Variants in MICAL1 observed in about 807,000 individuals in gnomAD.
The protein encoded by MICAL1 is [F-actin]-monooxygenase MICAL1.
MICAL1 carries 95 observed loss-of-function variants against 131.8 expected under a neutral mutation model. The ratio of observed to expected loss-of-function variants is 0.72; its 90% confidence interval spans 0.61 to 0.86. The LOEUF (loss-of-function observed/expected upper bound fraction) is 0.86, where lower values mean the gene tolerates loss of function less well. Among genes scored for constraint, MICAL1 ranks in the 40% least tolerant of loss-of-function variants. MICAL1 has a pLI of 0.00. For synonymous variants in MICAL1, 546 were observed against 554.2 expected (o/e 0.99, Z 0.21); for missense variants, 1,292 against 1,380.6 (o/e 0.94, Z 1.02).
At chr6:109,446,840 T>G in intron 17 of MICAL1, 68 bp from the exon 18 acceptor site, 1 of 1,460,338 alleles carries the variant, frequency 6.8e-7, no homozygotes, top group Non-Finnish European at 9.5e-7. Context: ...CGCAACAGTT[T>G]ATGAAGGAAG....
At position 109,445,692 on chromosome 6, in the gene MICAL1, G is replaced by T; in HGVS notation, c.2673+79C>A. On this transcript the variant is annotated intron_variant, in intron 20 of 24. Transcript: ENST00000358807. ...GGCCAAGTGAGAAGACATTCCAAGA[G>T]AAGGGTGCAGTGGACCAGTGCAGGT... is the stretch of plus-strand genomic sequence containing the variant. 1.9e-6 allele frequency: 3 copies of T among 1,539,064 alleles called. No homozygotes were observed. The South Asian group carries it at 3.5e-5, about 18-fold the overall frequency.
At position 109,453,858 on chromosome 6, in the gene MICAL1, A is replaced by G. The variant is rs1458219061; in HGVS notation, c.259-13T>C. 5 of 1,611,968 alleles carry G rather than the reference A, an allele frequency of 3.1e-6. No individual in the cohort carries two copies. The highest frequency in any genetic ancestry group is 4.2e-6 in the Non-Finnish European group (5 of 1,179,114). The stretch of plus-strand genomic sequence containing the variant: ...CCACCACCAGGCACTGTGAACACAC[A>G]GGGCAGTGAGGGCATGGCATCCTGT... On this transcript the variant is annotated splice_polypyrimidine_tract_variant and intron_variant, in intron 2 of 24. Coordinates refer to ENST00000358807, the MANE Select transcript of MICAL1 (RefSeq NM_022765.4).
chr6:109,447,637 TA>T (rs763788309), intron 15 of MICAL1, 43 bp downstream of exon 15: 2 of 1,612,112 alleles, frequency 1.2e-6, no homozygotes, highest in South Asian at 2.2e-5. Context: ...GGAAAGGGGA[TA>T]AAATGTGGGG....
In MICAL1 at chr6:109,447,238, A is replaced by G. The variant is rs1562288013; in HGVS notation, c.2071-9T>C. ...AGGTCCCCAGCACCGGCCTGCGTGG[A>G]CCCCCAGGACACAGGGTCAGGTGGA... On this transcript the variant is annotated splice_polypyrimidine_tract_variant and intron_variant, in intron 16 of 24. Coordinates refer to ENST00000358807, the MANE Select transcript of MICAL1 (RefSeq NM_022765.4). 1 of 1,613,644 alleles carries G rather than the reference A, an allele frequency of 6.2e-7. No homozygotes were observed. Among genetic ancestry groups the G allele is most frequent in the Non-Finnish European group, 8.5e-7 (1 of 1,179,842 alleles).
rs772715890 is a variant in MICAL1 at position 109,450,338 on chromosome 6, G to A, written c.1153C>T (p.Arg385Cys). 9.3e-6 allele frequency: 15 copies of A among 1,610,064 alleles called. No homozygotes were observed. In the South Asian group the frequency reaches 1.2e-4, roughly 13 times the overall value. Reference sequence around the variant, plus strand: ...TCCCCCACCAGTCCCAGCAGCAGGCGGGCGCCATGCTTCTCTTGCACACGA... The same window carrying A: ...TCCCCCACCAGTCCCAGCAGCAGGCAGGCGCCATGCTTCTCTTGCACACGA... The part of the protein sequence containing the change: ...SARVQEKHGA[R>C]LLLGLVGDCL... The change falls in exon 8 of 25, where the codon CGC becomes TGC. Residue 385 changes from arginine to cysteine, a missense_variant. Arg to Cys is a radical substitution (Grantham distance 180, BLOSUM62 -3). Transcript: ENST00000358807.
chr6:109,451,356 G>C (rs553038418), intron 7 of MICAL1, among the ~76,000 whole-genome samples: 29 of 152,234 alleles, frequency 1.9e-4, no homozygotes, highest in Non-Finnish European at 2.6e-4. Flanking sequence ...GTTTCACCAT[G>C]TTGGCCAGGC....
In MICAL1 at chr6:109,455,589, G is replaced by A. The variant is rs957013658; in HGVS notation, c.-44+130C>T. 4.4e-5 allele frequency: 26 copies of A among 594,912 alleles called. No homozygotes were observed. The highest frequency in any genetic ancestry group is 5.3e-5 in the Non-Finnish European group (25 of 472,354). The allele number at this position is 594,912 out of a possible 1,614,324, so 36.9% of individuals were successfully genotyped here. On this transcript the variant is annotated intron_variant, in intron 1 of 24. Coordinates refer to ENST00000358807, the MANE Select transcript of MICAL1 (RefSeq NM_022765.4). This position sits in a 1 kb window ranked among gnomAD's most constrained non-coding sequence, Gnocchi z 4.7. ...CCGGACGCGGCGTGAGCAGGGCTGG[G>A]CTGAGGGAAGACCTGCCTGACCTGC...
rs747238060 is a variant in MICAL1, at chr6:109,446,252, G to C, written c.2465C>G (p.Thr822Ser). 1 of 1,611,520 alleles carries C rather than the reference G, an allele frequency of 6.2e-7. No individual in the cohort carries two copies. The highest frequency in any genetic ancestry group is 1.1e-5 in the South Asian group (1 of 90,834). Residue 822 changes from threonine (T) to serine (S), a missense_variant, in exon 19 of 25, where the codon ACC becomes AGC. Coordinates refer to ENST00000358807, the MANE Select transcript of MICAL1 (RefSeq NM_022765.4). ...TGGAGGCTCCATTTCCGGGTCAGGG[G>C]TAAGGTTAAGGGAGGACAACCGCTG... ...ERQRLSSLNL[T>S]PDPEMEPPPK...
At position 109,450,452 on chromosome 6, in the gene MICAL1, C is replaced by T. The variant is rs765230338; in HGVS notation, c.1039G>A (p.Gly347Arg). 13 of 1,613,400 alleles carry T rather than the reference C, an allele frequency of 8.1e-6. No individual in the cohort carries two copies. Among genetic ancestry groups the T allele is most frequent in the Admixed American group, 1.7e-5 (1 of 60,002 alleles). Residue 347 changes from glycine to arginine, a missense_variant, in exon 8 of 25, where the codon GGG becomes AGG. Physicochemically the swap from Gly to Arg is moderately radical, Grantham distance 125. Coordinates refer to ENST00000358807, the MANE Select transcript of MICAL1 (RefSeq NM_022765.4). ...GCATCCTGGGCAAACTCTAGTTTCC[C>T]GAGCTTGCCATGGGTGGCAAAGTCA... ...AADFATHGKL[G>R]KLEFAQDAHG...
intron 15 of MICAL1, 92 bp from the exon 16 acceptor site, chr6:109,447,532 G>A (rs954820747): frequency 6.6e-7 from 1 of 1,523,288 alleles, no homozygotes; most frequent in Admixed American, 1.7e-5. Context: ...CTGAAGGGAA[G>A]GGGAGTGAGA....
At chr6:109,453,226 G>A in intron 4 of MICAL1, 37 bp downstream of exon 4, 1 of 1,514,450 alleles carries the variant, frequency 6.6e-7, no homozygotes, top group Non-Finnish European at 9.2e-7. Flanking sequence ...TTCTTGATGG[G>A]GGAGGGGGAG....
chr6:109,452,480 G>T, intron 5 of MICAL1, 31 bp downstream of exon 5: 1 of 1,611,968 alleles, frequency 6.2e-7, no homozygotes. Context: ...TGCCAGAGAT[G>T]CTGGCTTCTT....
intron 13 of MICAL1, 46 bp from the exon 14 acceptor site, chr6:109,448,009 C>G: frequency 3.2e-6 from 5 of 1,545,730 alleles, no homozygotes; most frequent in Non-Finnish European, 4.4e-6. Flanking sequence ...GGTGCCAATA[C>G]TGTACTCTCA....
intron 12 of MICAL1, 35 bp from the exon 13 acceptor site, chr6:109,448,428 C>T (rs1307597070): frequency 3.1e-6 from 5 of 1,608,142 alleles, no homozygotes; most frequent in Non-Finnish European, 4.2e-6. Context: ...CAACTAGAGA[C>T]AAGAACCTAG....
In MICAL1 at chr6:109,444,816, T is replaced by C; in HGVS notation, c.2982-18A>G. ...CCTGCACCCTGTGGAGGTCAGGGAT[T>C]GTAGAAGCAGAGCTGTCTAAGGTGC... On this transcript the variant is annotated intron_variant, in intron 23 of 24. Coordinates refer to ENST00000358807, the MANE Select transcript of MICAL1 (RefSeq NM_022765.4). 6.2e-7 allele frequency: 1 copy of C among 1,614,158 alleles called. No individual in the cohort carries two copies. Among genetic ancestry groups the C allele is most frequent in the East Asian group, 2.2e-5 (1 of 44,868 alleles).
Position 109,450,863 on chromosome 6 carries a change from G to A in MICAL1, c.934-306C>T, listed in dbSNP as rs1461348789. ...TTTGTCCATCACTTAGAGACAACAT[G>A]CCTAATTTATCAGGGTACTCATGAG... is the stretch of plus-strand genomic sequence containing the variant. On this transcript the variant is annotated intron_variant, in intron 7 of 24. Transcript: ENST00000358807. 2.0e-5 allele frequency among the ~76,000 whole-genome samples: 3 copies of A among 152,256 alleles called. No individual in the cohort carries two copies. The East Asian group carries it at 5.8e-4, about 29-fold the overall frequency.
intron 11 of MICAL1, 110 bp from the exon 12 acceptor site, chr6:109,448,989 C>T (rs919814154): frequency 1.4e-6 from 2 of 1,434,468 alleles, no homozygotes; most frequent in East Asian, 2.4e-5. Flanking sequence ...AGTCAGGGAC[C>T]CACCTCTACT....
At chr6:109,445,722 C>A in intron 20 of MICAL1, 49 bp downstream of exon 20, 1 of 1,582,164 alleles carries the variant, frequency 6.3e-7, no homozygotes, top group Non-Finnish European at 8.6e-7. Context: ...GCAGGTTTCT[C>A]CTGTAGTGGG....
In MICAL1 at chr6:109,446,726, C is replaced by T. The variant is rs41288556; in HGVS notation, c.2274G>A (p.Ala758=). The change falls in exon 18 of 25, where the codon GCG becomes GCA. Residue 758 remains alanine, a synonymous_variant. Transcript: ENST00000358807. ...LQHLPQTDHK[A]EGSDRGPESP... ...TCTCAGGGCCTCTATCGCTGCCTTC[C>T]GCTTTGTGGTCTGTCTGGGGCAGGT... 0.011 allele frequency: 18,169 copies of T among 1,613,796 alleles called. 128 individuals are homozygous for T. The highest frequency in any genetic ancestry group is 0.013 in the Non-Finnish European group (14,888 of 1,179,884).
Sources: allele counts gnomAD v4.1 joint callset (sites outside exome capture counted in the v4.1 genomes callset), GRCh38; gene constraint gnomAD v4.1.1; non-coding constraint Gnocchi (gnomAD v3.1); transcripts MANE v1.5; gene names NCBI Gene and HGNC (gene_info 2026-07-23, HGNC 2026-07-21).